Variants in EDAR observed in about 807,000 individuals in gnomAD.
EDAR encodes the protein ectodysplasin A receptor.
EDAR carries 38 observed loss-of-function variants against 51.3 expected under a neutral mutation model. The ratio of observed to expected loss-of-function variants is 0.74; its 90% CI spans 0.57 to 0.97. The LOEUF (loss-of-function observed/expected upper bound fraction) is 0.97. EDAR is among the 50% of genes least tolerant of loss of function. EDAR has a pLI of 0.00. For synonymous variants in EDAR, 227 were observed against 242.1 expected, an observed-to-expected ratio of 0.94 and a Z score of 0.58; for missense variants, 528 against 595.0, an observed-to-expected ratio of 0.89 and a Z score of 1.17.
intron 1 of EDAR, among the ~76,000 whole-genome samples, chr2:108,950,405 T>C (rs1697802490): frequency 1.3e-5 from 2 of 152,136 alleles, no homozygotes; most frequent in African/African-American, 4.8e-5. Context: ...TGCATGCCAC[T>C]GCCTCTGGCT....
intron 5 of EDAR, among the ~76,000 whole-genome samples, chr2:108,914,345 C>T (rs552067149): frequency 1.1e-4 from 17 of 152,240 alleles, no homozygotes; most frequent in African/African-American, 3.6e-4. Flanking sequence ...CTACCCATGG[C>T]CTCCTTGGCT....
intron 1 of EDAR, among the ~76,000 whole-genome samples, chr2:108,956,322 G>A (rs1278406236): frequency 6.6e-6 from 1 of 152,228 alleles, no homozygotes; most frequent in Non-Finnish European, 1.5e-5. Context: ...AAGGGCATGA[G>A]AGTGTTATGA....
chr2:108,940,983 T>A lies in EDAR; in HGVS notation c.-18-9951A>T, dbSNP rs920069898. Among the ~76,000 whole-genome samples the A allele has an allele frequency of 3.7e-4, 57 of 152,224 alleles. 1 individual carries two copies. The highest frequency in any genetic ancestry group is 1.6e-4 in the Non-Finnish European group (11 of 68,042). On this transcript the variant is annotated intron_variant, in intron 1 of 11. Coordinates refer to ENST00000258443, the MANE Select transcript of EDAR (RefSeq NM_022336.4). ...CCTGTGGCTTGATACAGAGCCCATC[T>A]CTTCCAGAGCATCTCTTGCGCCCTT...
intron 1 of EDAR, among the ~76,000 whole-genome samples, chr2:108,932,528 CAAAAAAAAAAA>C (rs1171012818): frequency 5.1e-5 from 2 of 39,124 alleles, no homozygotes; most frequent in Admixed American, 2.6e-4. Flanking sequence ...GACTCTGTCT[CAAAAAAAAAAA>C]AAAAAAAAAA....
intron 1 of EDAR, among the ~76,000 whole-genome samples, chr2:108,983,715 C>T (rs1309239639): frequency 6.6e-6 from 1 of 152,196 alleles, no homozygotes; most frequent in South Asian, 2.1e-4. Context: ...CTGGTGGCTC[C>T]GTGCGGGACG....
intron 1 of EDAR, among the ~76,000 whole-genome samples, chr2:108,983,976 A>T (rs1698457725): frequency 6.6e-6 from 1 of 152,228 alleles, no homozygotes; most frequent in Non-Finnish European, 1.5e-5. Flanking sequence ...GTGTCCCAGC[A>T]GGGCTGCAAG....
At chr2:108,963,613 G>T (rs1312740042) in intron 1 of EDAR, among the ~76,000 whole-genome samples, 1 of 152,178 alleles carries the variant, frequency 6.6e-6, no homozygotes. Context: ...AATTACAAGA[G>T]GGGTTTTAGA....
Position 108,908,035 on chromosome 2 carries a change from C to G in EDAR, c.804-16G>C, listed in dbSNP as rs770784341. On this transcript the variant is annotated splice_polypyrimidine_tract_variant and intron_variant, in intron 9 of 11. Coordinates refer to ENST00000258443, the MANE Select transcript of EDAR (RefSeq NM_022336.4). ...ATCGTTCTCGCTGCAAAAACAAGAG[C>G]GATGGTCATTAGCAGTGCCTGGGGG... 6.2e-7 allele frequency: 1 copy of G among 1,603,068 alleles called. No homozygotes were observed.
intron 1 of EDAR, among the ~76,000 whole-genome samples, chr2:108,932,284 T>G (rs879845871): frequency 1.3e-5 from 2 of 151,890 alleles, no homozygotes; most frequent in Non-Finnish European, 2.9e-5. Context: ...ATCCCAGCAC[T>G]TTGGGAGGCT....
intron 11 of EDAR, among the ~76,000 whole-genome samples, chr2:108,904,119 C>CA (rs889885607): frequency 4.6e-5 from 7 of 151,480 alleles, no homozygotes; most frequent in Admixed American, 1.3e-4. Context: ...AACTCAACAG[C>CA]AAAAAAATCA....
At chr2:108,912,050 G>A (rs547598846) in intron 6 of EDAR, among the ~76,000 whole-genome samples, 4 of 152,204 alleles carry the variant, frequency 2.6e-5, no homozygotes, top group East Asian at 1.9e-4. Flanking sequence ...CTGCGTTAGC[G>A]CGTGGGAGGC....
intron 10 of EDAR, among the ~76,000 whole-genome samples, chr2:108,906,797 C>T (rs1696814532): frequency 6.6e-6 from 1 of 152,220 alleles, no homozygotes; most frequent in Non-Finnish European, 1.5e-5. Flanking sequence ...CTGAAGAGTC[C>T]CGGGGCCATG....
chr2:108,906,203 G>T, intron 11 of EDAR, 105 bp downstream of exon 11: 1 of 1,188,388 alleles, frequency 8.4e-7, no homozygotes, highest in Non-Finnish European at 1.3e-6. Flanking sequence ...CAACTGGATG[G>T]GCGGCTTCCC....
At chr2:108,976,206 G>A (rs2104457044) in intron 1 of EDAR, among the ~76,000 whole-genome samples, 1 of 152,298 alleles carries the variant, frequency 6.6e-6, no homozygotes. Flanking sequence ...TGGCTAACAA[G>A]ACAATTTCTG....
rs770292889 is a variant in EDAR at position 108,911,001 on chromosome 2, C to T, written c.601G>A (p.Ala201Thr). 2.2e-5 allele frequency: 36 copies of T among 1,614,098 alleles called. No individual in the cohort carries two copies. The highest frequency in any genetic ancestry group is 2.8e-5 in the Non-Finnish European group (33 of 1,179,994). ...TAGAACATGATGATGAGGACGATGG[C>T]GATGGCCATGATGAAGATGGTGGAC... is the stretch of plus-strand genomic sequence containing the variant. ...AMSTIFIMAIAIVLIIMFYIL... is the reference protein window; with the variant it reads ...AMSTIFIMAITIVLIIMFYIL... Residue 201 changes from alanine to threonine, a missense_variant, in exon 7 of 12, where the codon GCC becomes ACC. Coordinates refer to ENST00000258443, the MANE Select transcript of EDAR (RefSeq NM_022336.4).
chr2:108,901,886 T>C (rs1449698064), intron 11 of EDAR, among the ~76,000 whole-genome samples: 1 of 151,920 alleles, frequency 6.6e-6, no homozygotes, highest in African/African-American at 2.4e-5. Context: ...GGTATATTGC[T>C]TGAGGTCAGG....
intron 1 of EDAR, among the ~76,000 whole-genome samples, chr2:108,957,449 A>C (rs1272216945): frequency 1.3e-5 from 2 of 152,248 alleles, no homozygotes; most frequent in Admixed American, 1.3e-4. Context: ...TCCTTCAAAT[A>C]GAGGGCTATA....
chr2:108,898,518 A>G (rs1404686368), intron 11 of EDAR, among the ~76,000 whole-genome samples: 1 of 152,218 alleles, frequency 6.6e-6, no homozygotes, highest in African/African-American at 2.4e-5. Flanking sequence ...TCATATCAGG[A>G]CATAAAACTA....
intron 1 of EDAR, among the ~76,000 whole-genome samples, chr2:108,935,027 C>A (rs758271818): frequency 1.3e-5 from 2 of 152,176 alleles, no homozygotes; most frequent in Admixed American, 1.3e-4. Context: ...TGGAGTCAAG[C>A]GTCACCTGTT....
Sources: allele counts gnomAD v4.1 joint callset (sites outside exome capture counted in the v4.1 genomes callset), GRCh38; gene constraint gnomAD v4.1.1; transcripts MANE v1.5; gene names NCBI Gene and HGNC (gene_info 2026-07-23, HGNC 2026-07-21).